ZNF626: variants seen among roughly 807,000 people sequenced by gnomAD.
ZNF626 encodes CTC-513N18.7.
A neutral mutation model predicts 11.7 loss-of-function variants in ZNF626; 4 were observed. That is an observed-to-expected ratio of 0.34 (90% CI 0.17 to 0.78). The LOEUF is 0.78. Ranked by LOEUF, ZNF626 falls within the 30% of genes least tolerant of loss-of-function variation. ZNF626 has a pLI of 0.57. For synonymous variants in ZNF626, 179 were observed against 198.6 expected (o/e 0.90, Z 0.83); for missense variants, 588 against 587.1 (o/e 1.00, Z -0.01).
At chr19:20,647,556 G>T (rs1599484233) in intron 1 of ZNF626, among the ~76,000 whole-genome samples, 1 of 142,368 alleles carries the variant, frequency 7.0e-6, no homozygotes, top group Non-Finnish European at 1.5e-5. Context: ...GCGCAGTCTC[G>T]GCTCACTGCA....
rs559178229 is a variant in ZNF626 at position 20,620,464 on chromosome 19, TAA to T, written c.*3824_*3825del. 9 of 152,354 alleles carry T rather than the reference TAA, an allele frequency of 5.9e-5. No homozygotes were observed. In the South Asian group the frequency reaches 6.2e-4, roughly 11 times the overall value. 9.4% of individuals were successfully genotyped at this position (152,354 alleles called of 1,614,324 possible). On this transcript the variant is annotated 3_prime_UTR_variant, in exon 4 of 4. Coordinates refer to ENST00000601440, the MANE Select transcript of ZNF626 (RefSeq NM_001076675.3). ...TGTGTATATTTCACTCTATGAAAAT[TAA>T]AAGTCTTTACGTTTGCAGGCAGAGT...
chr19:20,658,136 G>A (rs1555773319), intron 1 of ZNF626, among the ~76,000 whole-genome samples: 1 of 152,178 alleles, frequency 6.6e-6, no homozygotes, highest in East Asian at 1.9e-4. Context: ...CCCTGCGTGG[G>A]AGAGAGTGCA....
Position 20,645,577 on chromosome 19 carries a change from C to G in ZNF626, c.226+107G>C, listed in dbSNP as rs560586060. The stretch of plus-strand genomic sequence containing the variant: ...AAAAATAGCTGCCCAAGAACTATTT[C>G]CTTTGGAACACAGCTCCCCAAATCA... On this transcript the variant is annotated intron_variant, in intron 3 of 3. Coordinates refer to ENST00000601440, the MANE Select transcript of ZNF626 (RefSeq NM_001076675.3). 3.2e-6 allele frequency: 5 copies of G among 1,553,900 alleles called. No individual in the cohort carries two copies. In the East Asian group the frequency reaches 6.9e-5, roughly 21 times the overall value.
At chr19:20,631,398 C>T (rs1391038676) in intron 3 of ZNF626, among the ~76,000 whole-genome samples, 18 of 152,042 alleles carry the variant, frequency 1.2e-4, no homozygotes, top group East Asian at 3.8e-4. Context: ...TTAAAGTCTC[C>T]CATTATTATT....
rs186838746 is a variant in ZNF626, at chr19:20,655,839, G to A, written c.3+5605C>T. 3.2e-3 allele frequency among the ~76,000 whole-genome samples: 483 copies of A among 152,042 alleles called. 3 individuals are homozygous for A. The highest frequency in any genetic ancestry group is 0.011 in the African/African-American group (449 of 41,478). Reference sequence around the variant, plus strand: ...AGTCCCAGCTACTTGGGAGGCTGAGGCAGGAGATTGGCGTGAACCCAGGAG... The same window carrying A: ...AGTCCCAGCTACTTGGGAGGCTGAGACAGGAGATTGGCGTGAACCCAGGAG... On this transcript the variant is annotated intron_variant, in intron 1 of 3. Transcript: ENST00000601440.
chr19:20,657,208 G>A (rs550810854), intron 1 of ZNF626, among the ~76,000 whole-genome samples: 7 of 151,990 alleles, frequency 4.6e-5, no homozygotes, highest in African/African-American at 1.4e-4. Flanking sequence ...TGTCTCCACA[G>A]AAAATACAAA....
Position 20,625,049 on chromosome 19 carries a change from C to G in ZNF626, c.828G>C (p.Glu276Asp), listed in dbSNP as rs782367703. The part of the protein sequence containing the change: ...FMSSSTLSKH[E>D]IIHTEKKPYK... The stretch of plus-strand genomic sequence containing the variant: ...AGGGTTTCTTTTCCGTATGAATTAT[C>G]TCATGTTTACTAAGGGTTGAGGATG... Residue 276 changes from glutamate (E) to aspartate (D), a missense_variant, in exon 4 of 4, where the codon GAG becomes GAC. Coordinates refer to ENST00000601440, the MANE Select transcript of ZNF626 (RefSeq NM_001076675.3). 2 of 1,613,748 alleles carry G rather than the reference C, an allele frequency of 1.2e-6. No homozygotes were observed. Among genetic ancestry groups the G allele is most frequent in the South Asian group, 1.1e-5 (1 of 91,076 alleles).
intron 3 of ZNF626, among the ~76,000 whole-genome samples, chr19:20,635,153 T>C (rs534412748): frequency 1.7e-3 from 264 of 152,244 alleles, no homozygotes; most frequent in Middle Eastern, 3.4e-3. Flanking sequence ...AGAGATTATA[T>C]GAGATATGTA....
chr19:20,627,983 T>C (rs1375425647), intron 3 of ZNF626, among the ~76,000 whole-genome samples: 1 of 152,268 alleles, frequency 6.6e-6, no homozygotes, highest in East Asian at 1.9e-4. Flanking sequence ...CCTGTGTCCA[T>C]GTATTCTCAT....
Position 20,624,123 on chromosome 19 carries a change from T to A in ZNF626, c.*167A>T, listed in dbSNP as rs1440914665. ...TGTAGGGTTTCTCTCCAGTATGAAA[T>A]CTCTTATGTGTAGTAAGTTTAGAGG... is the stretch of plus-strand genomic sequence containing the variant. On this transcript the variant is annotated 3_prime_UTR_variant, in exon 4 of 4. Transcript: ENST00000601440. 2.6e-6 allele frequency: 3 copies of A among 1,150,688 alleles called. No homozygotes were observed. The highest frequency in any genetic ancestry group is 3.0e-5 in the African/African-American group (2 of 65,774). The allele number at this position is 1,150,688 out of a possible 1,614,324, so 71.3% of individuals were successfully genotyped here.
In ZNF626 at chr19:20,625,648, T is replaced by G. The variant is rs1555769585; in HGVS notation, c.229A>C (p.Met77Leu). The G allele has an allele frequency of 6.5e-7, 1 of 1,528,434 alleles. No individual in the cohort carries two copies. Among genetic ancestry groups the G allele is most frequent in the East Asian group, 2.3e-5 (1 of 44,172 alleles). The allele number at this position is 1,528,434 out of a possible 1,614,324, so 94.7% of individuals were successfully genotyped here. ...RNEMIAKPSV[M>L]CSHFAQDLWP... is the part of the protein sequence containing the mutation. ...AGGTCTTGGGCAAAATGAGAACACA[T>G]TACTGAAAGAAACAATAAAAACACA... is the stretch of plus-strand genomic sequence containing the variant. Residue 77 changes from methionine to leucine, a missense_variant and splice_region_variant, in exon 4 of 4, where the codon ATG (methionine) becomes CTG (leucine). Coordinates refer to ENST00000601440, the MANE Select transcript of ZNF626 (RefSeq NM_001076675.3).
intron 3 of ZNF626, among the ~76,000 whole-genome samples, chr19:20,635,489 A>AT (rs1381806855): frequency 6.6e-6 from 1 of 151,996 alleles, no homozygotes; most frequent in Non-Finnish European, 1.5e-5. Flanking sequence ...CGCCTGGCTA[A>AT]TTTTTTGTAT....
intron 1 of ZNF626, among the ~76,000 whole-genome samples, chr19:20,655,507 T>C (rs1481532620): frequency 1.3e-5 from 2 of 152,180 alleles, no homozygotes; most frequent in Non-Finnish European, 2.9e-5. Flanking sequence ...ACATCTTAAG[T>C]ACTTATAATA....
intron 2 of ZNF626, among the ~76,000 whole-genome samples, 165 bp from the exon 3 acceptor site, chr19:20,645,944 T>C (rs1314946826): frequency 6.6e-6 from 1 of 152,204 alleles, no homozygotes; most frequent in Non-Finnish European, 1.5e-5. Flanking sequence ...TTTCAATTTG[T>C]AGGTTTCTTA....
rs1599468387 is a variant in ZNF626 at position 20,622,681 on chromosome 19, A to G, written c.*1609T>C. ...AAATCTCCTTTTAAAGTTATATACTAATTTATACAAACTTATATACAAATT... is the reference window on the plus strand; with the variant it reads ...AAATCTCCTTTTAAAGTTATATACTGATTTATACAAACTTATATACAAATT... On this transcript the variant is annotated 3_prime_UTR_variant, in exon 4 of 4. Transcript: ENST00000601440. 1 of 152,302 alleles carries G rather than the reference A, an allele frequency of 6.6e-6. No individual in the cohort carries two copies. The highest frequency in any genetic ancestry group is 1.9e-4 in the East Asian group (1 of 5,192). The allele number at this position is 152,302 out of a possible 1,614,324, so 9.4% of individuals were successfully genotyped here.
At chr19:20,627,801 T>G (rs1347327792) in intron 3 of ZNF626, among the ~76,000 whole-genome samples, 5 of 152,208 alleles carry the variant, frequency 3.3e-5, no homozygotes, top group African/African-American at 9.6e-5. Flanking sequence ...TATTACACTT[T>G]AAGTTTTAGG....
At chr19:20,629,652 T>G (rs1177502911) in intron 3 of ZNF626, among the ~76,000 whole-genome samples, 30 of 152,162 alleles carry the variant, frequency 2.0e-4, no homozygotes, top group African/African-American at 7.2e-4. Context: ...TTGCTGAAGT[T>G]GCTTATCAGC....
intron 1 of ZNF626, among the ~76,000 whole-genome samples, chr19:20,656,213 G>A (rs983213469): frequency 2.6e-5 from 4 of 152,086 alleles, no homozygotes; most frequent in Admixed American, 6.6e-5. Context: ...AATAAATGGT[G>A]CAGGAATAAC....
In ZNF626 at chr19:20,645,747, AG is replaced by A. The variant is rs781986430; in HGVS notation, c.162del (p.Cys55ValfsTer9). ...AAAGGTTTTCTTCCTTGCTCCAGACAGGTGATCAGGTCTGGCTTAGAAACAG... is the reference window on the plus strand; with the variant it reads ...AAAGGTTTTCTTCCTTGCTCCAGACAGTGATCAGGTCTGGCTTAGAAACAG... ...GITVSKPDLI[T>X]CLEQGRKPLT... On this transcript the variant is annotated frameshift_variant, in exon 3 of 4. Coordinates refer to ENST00000601440, the MANE Select transcript of ZNF626 (RefSeq NM_001076675.3). LOFTEE classifies it high-confidence loss of function. 1.2e-6 allele frequency: 2 copies of A among 1,611,144 alleles called. No individual in the cohort carries two copies. The highest frequency in any genetic ancestry group is 4.5e-5 in the East Asian group (2 of 44,852).
Sources: gnomAD v4.1 joint callset for allele counts (sites outside exome capture counted in the v4.1 genomes callset) on GRCh38, gnomAD v4.1.1 for gene constraint, MANE v1.5 for transcripts, NCBI Gene and HGNC (gene_info 2026-07-23, HGNC 2026-07-21) for gene names.